NCOA3: variants seen among roughly 807,000 people sequenced by gnomAD.
NCOA3 encodes nuclear receptor coactivator 3, also known as CBP-interacting protein.
In NCOA3, 51 loss-of-function variants were observed where a neutral mutation model predicts 158.8. That is an observed-to-expected ratio of 0.32 (90% CI 0.26 to 0.41). The LOEUF (loss-of-function observed/expected upper bound fraction) is 0.41. Among genes scored for constraint, NCOA3 ranks in the 10% least tolerant of loss-of-function variants. The pLI is 1.00. For missense variants in NCOA3, 1,510 were observed against 1,746.6 expected (o/e 0.86, Z 2.41); for synonymous variants, 537 against 592.4 (o/e 0.91, Z 1.36).
At chr20:47,582,741 G>A (rs1045457064) in intron 1 of NCOA3, among the ~76,000 whole-genome samples, 2 of 152,162 alleles carry the variant, frequency 1.3e-5, no homozygotes, top group African/African-American at 4.8e-5. Context: ...CTAGGAAGAG[G>A]TGGTGTACTT....
chr20:47,570,982 A>ATGTG (rs1224807146), intron 1 of NCOA3, among the ~76,000 whole-genome samples: 3 of 80,450 alleles, frequency 3.7e-5, no homozygotes, highest in African/African-American at 1.5e-4. Context: ...GTATATACAT[A>ATGTG]TATGTGTGTG....
At chr20:47,623,778 A>C (rs1478385014) in intron 3 of NCOA3, 133 bp from the exon 4 acceptor site, 3 of 834,088 alleles carry the variant, frequency 3.6e-6, no homozygotes, top group African/African-American at 3.6e-5. Context: ...ACAAGAGCGA[A>C]AACTCTGTCT....
At chr20:47,557,086 C>T (rs958423272) in intron 1 of NCOA3, among the ~76,000 whole-genome samples, 12 of 152,138 alleles carry the variant, frequency 7.9e-5, no homozygotes, top group African/African-American at 1.4e-4. Flanking sequence ...CAAAGAACAT[C>T]CTTTTTCTCC....
At chr20:47,549,994 T>A (rs1305573469) in intron 1 of NCOA3, among the ~76,000 whole-genome samples, 2 of 151,970 alleles carry the variant, frequency 1.3e-5, no homozygotes, top group African/African-American at 2.4e-5. Flanking sequence ...CGTGAGCCAC[T>A]GTGCTGGCTG....
In NCOA3 at chr20:47,625,593, T is replaced by A. The variant is rs72645246; in HGVS notation, c.357+112T>A. 438 of 741,602 alleles carry A rather than the reference T, an allele frequency of 5.9e-4. 6 individuals carry two copies. The East Asian group carries it at 0.012, about 20-fold the overall frequency. 45.9% of individuals were successfully genotyped at this position (741,602 alleles called of 1,614,324 possible). The stretch of plus-strand genomic sequence containing the variant: ...AGGAAATGAGAACAAAAAGAAAACA[T>A]TTTTTTCTTTGAGACAGTTCAGTAT... On this transcript the variant is annotated intron_variant, in intron 5 of 22. Transcript: ENST00000371998.
chr20:47,655,687 G>A lies in NCOA3; in HGVS notation c.*2270G>A, dbSNP rs1404117102. On this transcript the variant is annotated 3_prime_UTR_variant, in exon 23 of 23. Transcript: ENST00000371998. ...AGTCTGTCTCTTTTTCAGCTCAATT[G>A]TATCTGACCCTTCTTTAAGTTATGT... 2 of 152,430 alleles carry A rather than the reference G, an allele frequency of 1.3e-5. No homozygotes were observed. Among genetic ancestry groups the A allele is most frequent in the African/African-American group, 4.8e-5 (2 of 41,374 alleles). 9.4% of individuals were successfully genotyped at this position (152,430 alleles called of 1,614,324 possible).
At chr20:47,509,941 G>A (rs940849598) in intron 1 of NCOA3, among the ~76,000 whole-genome samples, 5 of 152,084 alleles carry the variant, frequency 3.3e-5, no homozygotes, top group Non-Finnish European at 7.3e-5. Flanking sequence ...ACCGCAGTTG[G>A]AACAGTAGTT....
intron 1 of NCOA3, among the ~76,000 whole-genome samples, chr20:47,574,056 G>A (rs1017750971): frequency 3.3e-5 from 5 of 152,090 alleles, no homozygotes; most frequent in Non-Finnish European, 7.4e-5. Context: ...TCAGAAAAAG[G>A]GTGGGGAGCA....
intron 1 of NCOA3, among the ~76,000 whole-genome samples, chr20:47,540,525 C>A (rs1175577857): frequency 1.3e-5 from 2 of 150,470 alleles, no homozygotes; most frequent in Non-Finnish European, 2.9e-5. Context: ...TGAGCTGAGA[C>A]CGCAGGATTG....
intron 2 of NCOA3, among the ~76,000 whole-genome samples, chr20:47,588,129 C>A (rs936855303): frequency 7.4e-6 from 1 of 135,140 alleles, no homozygotes; most frequent in Non-Finnish European, 1.6e-5. Context: ...TTCTCCACCC[C>A]ACTTTTTTTT....
chr20:47,603,310 G>A (rs577849671), intron 2 of NCOA3, among the ~76,000 whole-genome samples: 7 of 152,226 alleles, frequency 4.6e-5, no homozygotes, highest in Non-Finnish European at 1.0e-4. Flanking sequence ...CAGGACGTGC[G>A]ACAGGGCTGT....
intron 1 of NCOA3, among the ~76,000 whole-genome samples, chr20:47,562,375 G>A (rs1007165083): frequency 1.3e-5 from 2 of 152,194 alleles, no homozygotes; most frequent in African/African-American, 4.8e-5. Context: ...GAGAATTCCT[G>A]TTGCTTCACA....
At chr20:47,615,380 A>G (rs959324658) in intron 2 of NCOA3, among the ~76,000 whole-genome samples, 15 of 152,176 alleles carry the variant, frequency 9.9e-5, no homozygotes, top group Admixed American at 6.5e-5. Context: ...TGCCTAATGA[A>G]CACTGGTAGT....
chr20:47,568,849 T>G (rs1401486779), intron 1 of NCOA3, among the ~76,000 whole-genome samples: 1 of 152,118 alleles, frequency 6.6e-6, no homozygotes, highest in Non-Finnish European at 1.5e-5. Context: ...TAACATTTAG[T>G]AAGCTGTAAA....
chr20:47,604,795 T>C (rs2085917408), intron 2 of NCOA3, among the ~76,000 whole-genome samples: 1 of 152,220 alleles, frequency 6.6e-6, no homozygotes, highest in African/African-American at 2.4e-5. Context: ...TCAAGATTTT[T>C]ATTAAGCATT....
At chr20:47,512,569 T>TAAA (rs762228515) in intron 1 of NCOA3, among the ~76,000 whole-genome samples, 2 of 84,752 alleles carry the variant, frequency 2.4e-5, no homozygotes, top group African/African-American at 5.3e-5. Flanking sequence ...TCTGTCTCAC[T>TAAA]AAAAAAAAAA....
Position 47,653,516 on chromosome 20 carries a change from G to GT in NCOA3, c.*99_*100insT. On this transcript the variant is annotated 3_prime_UTR_variant, in exon 23 of 23. Coordinates refer to ENST00000371998, the MANE Select transcript of NCOA3 (RefSeq NM_181659.3). ...ATTGTTCCAGGCATCCATCTTGGAA[G>GT]AAAGGACCAGCTTTGAGCTCCATCA... The GT allele has an allele frequency of 7.2e-7, 1 of 1,388,240 alleles. No homozygotes were observed. Among genetic ancestry groups the GT allele is most frequent in the South Asian group, 1.2e-5 (1 of 80,776 alleles). The allele number at this position is 1,388,240 out of a possible 1,614,324, so 86.0% of individuals were successfully genotyped here.
At chr20:47,554,808 A>G (rs1038617513) in intron 1 of NCOA3, among the ~76,000 whole-genome samples, 1 of 152,190 alleles carries the variant, frequency 6.6e-6, no homozygotes, top group African/African-American at 2.4e-5. Context: ...ATTCAATGCC[A>G]TCCCCATCGA....
intron 3 of NCOA3, among the ~76,000 whole-genome samples, chr20:47,623,499 A>C (rs1006481988): frequency 1.3e-5 from 2 of 152,168 alleles, no homozygotes; most frequent in African/African-American, 4.8e-5. Flanking sequence ...TACATATGAA[A>C]ATAATAGGCC....
Sources: gnomAD v4.1 joint callset for allele counts (sites outside exome capture counted in the v4.1 genomes callset) on GRCh38, gnomAD v4.1.1 for gene constraint, MANE v1.5 for transcripts, NCBI Gene and HGNC (gene_info 2026-07-23, HGNC 2026-07-21) for gene names.